The following SORCS2 variants were observed in gnomAD, a reference collection of about 807,000 sequenced individuals.
SORCS2 encodes the protein VPS10 domain-containing receptor SorCS2.
Under a neutral mutation model 141.6 loss-of-function variants are expected in SORCS2, and 100 were observed. The observed-to-expected ratio is 0.71, with a 90% CI of 0.60 to 0.83. The LOEUF (loss-of-function observed/expected upper bound fraction) is 0.83. Ranked by LOEUF, SORCS2 falls within the 40% of genes least tolerant of loss-of-function variation. The probability of loss-of-function intolerance (pLI) is 0.00; values close to 1 mark genes in which losing one functional copy is unlikely to be tolerated. For synonymous variants in SORCS2, 789 were observed against 676.9 expected (o/e 1.17, Z -2.57); for missense variants, 1,646 against 1,560.2 (o/e 1.05, Z -0.93).
chr4:7,492,854 C>T (rs1731396430), intron 2 of SORCS2, among the ~76,000 whole-genome samples: 1 of 152,236 alleles, frequency 6.6e-6, no homozygotes, highest in Middle Eastern at 3.2e-3. Context: ...ACCTGCGGAG[C>T]CTCTGACCCC....
intron 2 of SORCS2, among the ~76,000 whole-genome samples, chr4:7,488,998 G>A (rs901034986): frequency 3.3e-5 from 5 of 152,138 alleles, no homozygotes; most frequent in African/African-American, 4.8e-5. Context: ...TTCATTCAAC[G>A]TTTACTAATC....
chr4:7,640,270 ATG>A (rs1166022542), intron 4 of SORCS2, among the ~76,000 whole-genome samples: 3 of 120,836 alleles, frequency 2.5e-5, no homozygotes, highest in East Asian at 2.5e-4. Context: ...GTATGTGAGC[ATG>A]TGTGGGTGTG....
rs959654102 is a variant in SORCS2 at position 7,233,310 on chromosome 4, G to T, written c.480+40184G>T. ...CTATGCCTGCAGAAGCCACGGTGGG[G>T]ACAGGAGCACATCCAGGGTGTCATC... On this transcript the variant is annotated intron_variant, in intron 1 of 26. Transcript: ENST00000507866. The surrounding 1 kb of genome is among the most constrained non-coding windows in gnomAD (Gnocchi z 4.5). Among the ~76,000 whole-genome samples the T allele has an allele frequency of 6.6e-5, 10 of 152,190 alleles. No individual in the cohort carries two copies. Among genetic ancestry groups the T allele is most frequent in the African/African-American group, 2.2e-4 (9 of 41,442 alleles).
chr4:7,670,893 T>C (rs536770933), intron 8 of SORCS2, among the ~76,000 whole-genome samples: 1 of 152,340 alleles, frequency 6.6e-6, no homozygotes, highest in African/African-American at 2.4e-5. Context: ...CTTCTGATGA[T>C]AGACATGCAG....
intron 1 of SORCS2, among the ~76,000 whole-genome samples, chr4:7,274,480 T>C (rs190438919): frequency 6.6e-6 from 1 of 152,100 alleles, no homozygotes; most frequent in African/African-American, 2.4e-5. Flanking sequence ...CGTACAATCA[T>C]GGTGGAAGGC....
At chr4:7,271,810 G>T (rs991274878) in intron 1 of SORCS2, among the ~76,000 whole-genome samples, 1 of 152,256 alleles carries the variant, frequency 6.6e-6, no homozygotes, top group South Asian at 2.1e-4. Context: ...TACGGCCTAT[G>T]CCGGGGCCCG....
rs1328062662 is a variant in SORCS2, at chr4:7,663,424, C to T, written c.953-929C>T. Among the ~76,000 whole-genome samples the T allele has an allele frequency of 3.3e-5, 5 of 152,188 alleles. No homozygotes were observed. Among genetic ancestry groups the T allele is most frequent in the Admixed American group, 2.6e-4 (4 of 15,294 alleles). ...TTCACTGCATCTCCAGCCAGGCAGCCCCACTGCAGGAAGTTCAGTGGTTCA... is the reference window on the plus strand; with the variant it reads ...TTCACTGCATCTCCAGCCAGGCAGCTCCACTGCAGGAAGTTCAGTGGTTCA... On this transcript the variant is annotated intron_variant, in intron 6 of 26. Coordinates refer to ENST00000507866, the MANE Select transcript of SORCS2 (RefSeq NM_020777.3). The surrounding 1 kb of genome is among the most constrained non-coding windows in gnomAD (Gnocchi z 4.8).
At chr4:7,292,492 ACCTGGGCTTGG>A (rs909958170) in intron 1 of SORCS2, among the ~76,000 whole-genome samples, 1 of 152,128 alleles carries the variant, frequency 6.6e-6, no homozygotes, top group African/African-American at 2.4e-5. Flanking sequence ...TGCTCTGGGG[ACCTGGGCTTGG>A]CCTGGGCAGG....
intron 1 of SORCS2, among the ~76,000 whole-genome samples, chr4:7,383,248 C>A (rs1723099326): frequency 6.6e-6 from 1 of 152,254 alleles, no homozygotes; most frequent in South Asian, 2.1e-4. Context: ...ACCTTCCTGA[C>A]AATTCTGAGG....
intron 18 of SORCS2, among the ~76,000 whole-genome samples, 162 bp from the exon 19 acceptor site, chr4:7,723,535 A>G (rs1269496316): frequency 6.6e-6 from 1 of 152,216 alleles, no homozygotes; most frequent in Non-Finnish European, 1.5e-5. Context: ...TCTCCAGGGC[A>G]GAACCAGGCC....
At chr4:7,539,830 C>G (rs1014579512) in intron 3 of SORCS2, among the ~76,000 whole-genome samples, 13 of 150,942 alleles carry the variant, frequency 8.6e-5, no homozygotes, top group African/African-American at 3.2e-4. Context: ...CCACCCCTTC[C>G]TGTTGTGGCT....
intron 1 of SORCS2, among the ~76,000 whole-genome samples, chr4:7,225,089 G>A (rs1007862371): frequency 2.6e-5 from 4 of 152,206 alleles, no homozygotes; most frequent in Non-Finnish European, 5.9e-5. Flanking sequence ...CCCTAATGCA[G>A]TATTGCCTCC....
intron 3 of SORCS2, among the ~76,000 whole-genome samples, chr4:7,623,902 C>T (rs910211485): frequency 9.2e-5 from 14 of 152,170 alleles, no homozygotes; most frequent in African/African-American, 3.1e-4. Context: ...AAGAGCAGCG[C>T]GCGTCCCATA....
At chr4:7,371,117 A>G (rs1164073034) in intron 1 of SORCS2, among the ~76,000 whole-genome samples, 3 of 152,198 alleles carry the variant, frequency 2.0e-5, no homozygotes, top group Non-Finnish European at 2.9e-5. Flanking sequence ...AGCACTTCAC[A>G]TGGAGAGTTG....
At chr4:7,394,446 G>A (rs987615012) in intron 1 of SORCS2, among the ~76,000 whole-genome samples, 2 of 149,314 alleles carry the variant, frequency 1.3e-5, no homozygotes, top group African/African-American at 5.0e-5. Context: ...CCAGTGTCGG[G>A]GGCCTTCCTG....
intron 1 of SORCS2, among the ~76,000 whole-genome samples, chr4:7,384,614 T>C (rs1423421587): frequency 1.3e-5 from 2 of 152,188 alleles, no homozygotes; most frequent in African/African-American, 4.8e-5. Flanking sequence ...GGAGGACATC[T>C]CTCAACCCAG....
intron 1 of SORCS2, among the ~76,000 whole-genome samples, chr4:7,297,241 G>A (rs779908054): frequency 1.3e-5 from 2 of 152,138 alleles, no homozygotes; most frequent in African/African-American, 2.4e-5. Flanking sequence ...CTCCCAGCTC[G>A]GGGTTCCACA....
At chr4:7,420,196 A>G (rs986479781) in intron 2 of SORCS2, among the ~76,000 whole-genome samples, 2 of 152,216 alleles carry the variant, frequency 1.3e-5, no homozygotes, top group African/African-American at 4.8e-5. Context: ...TGGCTTGTGA[A>G]CACCCAGCTG....
In SORCS2 at chr4:7,636,571, T is replaced by C. The variant is rs77616836; in HGVS notation, c.649-1757T>C. The stretch of plus-strand genomic sequence containing the variant: ...ATGGCCCCGGGGCCACCTGTGAGTG[T>C]CTGGGTGTCTGTCATTCCAAATGTA... On this transcript the variant is annotated intron_variant, in intron 3 of 26. Coordinates refer to ENST00000507866, the MANE Select transcript of SORCS2 (RefSeq NM_020777.3). 3.2e-3 allele frequency among the ~76,000 whole-genome samples: 480 copies of C among 152,048 alleles called. 3 individuals are homozygous for C. The highest frequency in any genetic ancestry group is 0.011 in the African/African-American group (444 of 41,450).
Sources: allele counts gnomAD v4.1 joint callset (sites outside exome capture counted in the v4.1 genomes callset), GRCh38; gene constraint gnomAD v4.1.1; non-coding constraint Gnocchi (gnomAD v3.1); transcripts MANE v1.5; gene names NCBI Gene and HGNC (gene_info 2026-07-23, HGNC 2026-07-21).